Variants in DCC observed in about 807,000 individuals in gnomAD.
The protein encoded by DCC is netrin receptor DCC.
A neutral mutation model predicts 172.5 loss-of-function variants in DCC; 58 were observed. The ratio of observed to expected loss-of-function variants is 0.34; its 90% CI spans 0.27 to 0.42. The LOEUF (loss-of-function observed/expected upper bound fraction) is 0.42, where lower values mean the gene tolerates loss of function less well. DCC is among the 10% of genes least tolerant of loss of function. The pLI is 1.00. For missense variants in DCC, 1,740 were observed against 1,791.0 expected, an observed-to-expected ratio of 0.97 and a Z score of 0.51; for synonymous variants, 709 against 644.5, an observed-to-expected ratio of 1.10 and a Z score of -1.52.
At chr18:52,552,939 T>C (rs1286492720) in intron 1 of DCC, among the ~76,000 whole-genome samples, 1 of 152,108 alleles carries the variant, frequency 6.6e-6, no homozygotes, top group African/African-American at 2.4e-5. Context: ...TATTTGTACC[T>C]AAGCATTTAA....
chr18:53,409,465 G>A (rs1323599825), intron 19 of DCC, among the ~76,000 whole-genome samples: 1 of 152,182 alleles, frequency 6.6e-6, no homozygotes, highest in Non-Finnish European at 1.5e-5. Context: ...TTGAAGAATT[G>A]TGGCAGAAAT....
intron 5 of DCC, among the ~76,000 whole-genome samples, chr18:53,004,055 C>T (rs1049142189): frequency 6.6e-6 from 1 of 152,090 alleles, no homozygotes; most frequent in South Asian, 2.1e-4. Context: ...TTCTCATTAA[C>T]GAAATGGGAC....
rs1236247139 is a variant in DCC at position 52,816,641 on chromosome 18, T to C, written c.412+64267T>C. The C allele has an allele frequency of 2.0e-5, 3 of 152,288 alleles. No individual in the cohort carries two copies. In the East Asian group the frequency reaches 5.8e-4, roughly 29 times the overall value. The allele number at this position is 152,288 out of a possible 1,614,324, so 9.4% of individuals were successfully genotyped here. On this transcript the variant is annotated intron_variant, in intron 2 of 28. Transcript: ENST00000442544. ...ACCATTCCTATTTTACAGAGGGAAA[T>C]GTGAGGCTGAGAAAGTTTGGACAAC...
intron 1 of DCC, among the ~76,000 whole-genome samples, chr18:52,664,626 A>G (rs12607433): frequency 0.1 from 15,631 of 151,308 alleles, 991 homozygotes; most frequent in Non-Finnish European, 0.14. Flanking sequence ...GCCCGCCACC[A>G]TGCCCGGCTG....
chr18:53,016,937 G>A (rs920452725), intron 5 of DCC, among the ~76,000 whole-genome samples: 10 of 152,090 alleles, frequency 6.6e-5, no homozygotes, highest in African/African-American at 9.7e-5. Flanking sequence ...GAAGTAGCTA[G>A]TTATCTTCAG....
intron 7 of DCC, among the ~76,000 whole-genome samples, chr18:53,099,482 T>C (rs2043132654): frequency 6.6e-6 from 1 of 152,170 alleles, no homozygotes; most frequent in Non-Finnish European, 1.5e-5. Context: ...ATCCCCAGAA[T>C]ATAGTTTCAA....
chr18:53,522,880 A>T (rs936662062), intron 27 of DCC, among the ~76,000 whole-genome samples: 1 of 152,216 alleles, frequency 6.6e-6, no homozygotes, highest in African/African-American at 2.4e-5. Context: ...TTAAACCACC[A>T]AAAGCAATGG....
intron 1 of DCC, among the ~76,000 whole-genome samples, chr18:52,427,363 G>T (rs1034475374): frequency 1.3e-5 from 2 of 151,586 alleles, no homozygotes; most frequent in African/African-American, 4.9e-5. Context: ...CACTTTTTGA[G>T]AATTTTTTTT....
intron 12 of DCC, among the ~76,000 whole-genome samples, chr18:53,230,827 T>C (rs573165304): frequency 9.9e-5 from 15 of 152,174 alleles, no homozygotes; most frequent in African/African-American, 2.2e-4. Flanking sequence ...ACCTGTATGA[T>C]TGATTTTTCT....
chr18:53,036,622 G>A (rs1214538140), intron 5 of DCC, among the ~76,000 whole-genome samples: 1 of 151,928 alleles, frequency 6.6e-6, no homozygotes, highest in African/African-American at 2.4e-5. Flanking sequence ...CATAGGTTAC[G>A]TCTACACTGG....
chr18:52,725,413 C>G (rs541675030), intron 1 of DCC, among the ~76,000 whole-genome samples: 1 of 152,148 alleles, frequency 6.6e-6, no homozygotes, highest in Non-Finnish European at 1.5e-5. Flanking sequence ...TTAGGTTAGA[C>G]GGTGACATAA....
At chr18:53,091,849 A>G (rs1331642216) in intron 7 of DCC, among the ~76,000 whole-genome samples, 1 of 52,538 alleles carries the variant, frequency 1.9e-5, no homozygotes, top group African/African-American at 1.0e-4. Context: ...CTATCTATCT[A>G]TCAATCTATC....
chr18:52,994,516 C>T (rs2041448459), intron 5 of DCC, among the ~76,000 whole-genome samples: 1 of 152,146 alleles, frequency 6.6e-6, no homozygotes, highest in African/African-American at 2.4e-5. Context: ...GTACGATTCT[C>T]ATACTTCAGT....
rs553879013 is a variant in DCC, at chr18:53,471,255, G to A, written c.3736+3245G>A. ...GCATGCAATATGTAATAATCACATC[G>A]TGGAGAATATGGTATCCATCCACGC... On this transcript the variant is annotated intron_variant, in intron 25 of 28. Coordinates refer to ENST00000442544, the MANE Select transcript of DCC (RefSeq NM_005215.4). 8.5e-5 allele frequency among the ~76,000 whole-genome samples: 13 copies of A among 152,202 alleles called. No homozygotes were observed. The East Asian group carries it at 1.2e-3, about 14-fold the overall frequency.
At chr18:53,527,090 C>T (rs1172001763) in intron 28 of DCC, 16 of 204,700 alleles carry the variant, frequency 7.8e-5, no homozygotes, top group Middle Eastern at 2.1e-3. Context: ...CACATGGATA[C>T]GTGTGTGTGT....
chr18:52,677,444 T>G (rs2035664300), intron 1 of DCC, among the ~76,000 whole-genome samples: 1 of 152,042 alleles, frequency 6.6e-6, no homozygotes, highest in Non-Finnish European at 1.5e-5. Context: ...GATTCTATGT[T>G]TCATTGTTCT....
At chr18:53,297,364 T>C (rs1287883606) in intron 12 of DCC, among the ~76,000 whole-genome samples, 1 of 152,202 alleles carries the variant, frequency 6.6e-6, no homozygotes, top group African/African-American at 2.4e-5. Context: ...AAAGAGGGGA[T>C]GGAGGAATTA....
intron 25 of DCC, among the ~76,000 whole-genome samples, chr18:53,482,279 T>C (rs1001747147): frequency 1.3e-5 from 2 of 152,176 alleles, no homozygotes; most frequent in African/African-American, 4.8e-5. Flanking sequence ...GGCTATTCTA[T>C]CTGATGTCAC....
At chr18:53,452,246 T>C (rs1294922830) in intron 23 of DCC, among the ~76,000 whole-genome samples, 1 of 152,134 alleles carries the variant, frequency 6.6e-6, no homozygotes, top group Non-Finnish European at 1.5e-5. Context: ...GAGGGACTCA[T>C]GTAAAAGAAG....
Sources: allele counts gnomAD v4.1 joint callset (sites outside exome capture counted in the v4.1 genomes callset), GRCh38; gene constraint gnomAD v4.1.1; transcripts MANE v1.5; gene names NCBI Gene and HGNC (gene_info 2026-07-23, HGNC 2026-07-21).